Variants in TMEM238L observed in about 807,000 individuals in gnomAD.
TMEM238L encodes the protein transmembrane protein 238 like.
At chr17:10,795,047 G>C (rs2151520408) in exon 2 of TMEM238L, 1 of 152,344 alleles carries the variant, frequency 6.6e-6, no homozygotes, top group Non-Finnish European at 1.5e-5. Context: ...AATGAGACCA[G>C]GGGAAATATA....
intron 1 of TMEM238L, among the ~76,000 whole-genome samples, chr17:10,801,053 GTT>G (rs34698731): frequency 2.5e-4 from 36 of 141,222 alleles, no homozygotes; most frequent in African/African-American, 7.0e-4. Flanking sequence ...CCTTTTTACT[GTT>G]TTTTTTTTTT....
intron 1 of TMEM238L, chr17:10,802,581 G>A (rs1360352481): frequency 2.0e-5 from 3 of 152,674 alleles, no homozygotes; most frequent in African/African-American, 7.2e-5. Context: ...AGAGTCAGGT[G>A]TAATCCCCCA....
At chr17:10,803,995 A>G (rs1396781950) in exon 1 of TMEM238L, 1 of 399,120 alleles carries the variant, frequency 2.5e-6, no homozygotes, top group Non-Finnish European at 4.4e-6. Context: ...GCCCAGCTGC[A>G]CTCCCGGGGG....
At chr17:10,801,195 C>T (rs999918408) in intron 1 of TMEM238L, among the ~76,000 whole-genome samples, 12 of 152,050 alleles carry the variant, frequency 7.9e-5, no homozygotes, top group Admixed American at 3.3e-4. Flanking sequence ...GGATTACAGG[C>T]GCCTGCCACT....
At chr17:10,802,906 G>A (rs1003510120) in intron 1 of TMEM238L, among the ~76,000 whole-genome samples, 6 of 152,208 alleles carry the variant, frequency 3.9e-5, no homozygotes, top group Non-Finnish European at 8.8e-5. Context: ...GCAACTCAGC[G>A]GATGAAATCC....
intron 1 of TMEM238L, among the ~76,000 whole-genome samples, chr17:10,798,321 A>G (rs532428022): frequency 6.6e-6 from 1 of 152,258 alleles, no homozygotes; most frequent in South Asian, 2.1e-4. Context: ...CACATGCTTT[A>G]TCTCTCCCCT....
At position 10,803,885 on chromosome 17, in the gene TMEM238L, C is replaced by T. The variant is rs1008978; in HGVS notation, c.79G>A (p.Ala27Thr). The change falls in exon 1 of 2, where the codon GCG becomes ACG. Residue 27 changes from alanine (A) to threonine (T), a missense_variant. Ala to Thr is a moderately conservative substitution (Grantham distance 58, BLOSUM62 0). Coordinates refer to ENST00000581851, the Ensembl canonical transcript of TMEM238L. Reference sequence around the variant, plus strand: ...AGCAGCAAAAGGACCAGGCCGACCGCGTCCAGCAGGAGGGCGAGGATGAGG... The same window carrying T: ...AGCAGCAAAAGGACCAGGCCGACCGTGTCCAGCAGGAGGGCGAGGATGAGG... 482 of 399,682 alleles carry T rather than the reference C, an allele frequency of 1.2e-3. 2 individuals carry two copies. Among genetic ancestry groups the T allele is most frequent in the African/African-American group, 8.8e-3 (431 of 48,772 alleles). The allele number at this position is 399,682 out of a possible 1,614,324, so 24.8% of individuals were successfully genotyped here. A position where few individuals can be genotyped will look rare whatever the true frequency, so the allele number is the denominator to read the frequency against.
intron 1 of TMEM238L, among the ~76,000 whole-genome samples, chr17:10,802,741 G>A (rs375195129): frequency 1.3e-5 from 2 of 152,204 alleles, no homozygotes; most frequent in African/African-American, 2.4e-5. Context: ...CCAATGGACC[G>A]TGGCTCTGAC....
chr17:10,798,829 C>T (rs1904641185), intron 1 of TMEM238L, among the ~76,000 whole-genome samples: 1 of 151,222 alleles, frequency 6.6e-6, no homozygotes, highest in African/African-American at 2.4e-5. Context: ...TCTTGGACAC[C>T]CTATTAAAAA....
chr17:10,802,696 A>G (rs1184520655), intron 1 of TMEM238L, among the ~76,000 whole-genome samples: 1 of 152,236 alleles, frequency 6.6e-6, no homozygotes, highest in Non-Finnish European at 1.5e-5. Flanking sequence ...ACCTGCGTGC[A>G]GGTTGGGCCC....
intron 1 of TMEM238L, among the ~76,000 whole-genome samples, chr17:10,797,265 G>T (rs1904582854): frequency 6.6e-6 from 1 of 152,048 alleles, no homozygotes; most frequent in Non-Finnish European, 1.5e-5. Context: ...TTTCCTCATG[G>T]CCTTGTTGAT....
At chr17:10,800,046 C>T (rs541204018) in intron 1 of TMEM238L, among the ~76,000 whole-genome samples, 1 of 152,224 alleles carries the variant, frequency 6.6e-6, no homozygotes, top group South Asian at 2.1e-4. Flanking sequence ...ATTCTCCTGC[C>T]TCAGCCTCCC....
At chr17:10,800,960 A>G (rs546581894) in intron 1 of TMEM238L, among the ~76,000 whole-genome samples, 2 of 152,120 alleles carry the variant, frequency 1.3e-5, no homozygotes, top group Non-Finnish European at 2.9e-5. Context: ...ATAATAACCT[A>G]TACTGTGGCC....
exon 1 of TMEM238L, chr17:10,803,842 A>G: frequency 2.5e-6 from 1 of 399,502 alleles, no homozygotes; most frequent in Non-Finnish European, 4.4e-6. Flanking sequence ...CCAGGAACTC[A>G]GGGGGGCCAA....
chr17:10,803,439 T>C (rs1449819658), intron 1 of TMEM238L, among the ~76,000 whole-genome samples, 167 bp downstream of exon 1: 1 of 152,106 alleles, frequency 6.6e-6, no homozygotes, highest in Non-Finnish European at 1.5e-5. Context: ...CTGCCCCACG[T>C]CCTCTTGGCT....
At chr17:10,798,665 G>A (rs1004292296) in intron 1 of TMEM238L, among the ~76,000 whole-genome samples, 1 of 152,090 alleles carries the variant, frequency 6.6e-6, no homozygotes, top group Non-Finnish European at 1.5e-5. Context: ...TGTGGTGGGT[G>A]TGTTTGTTTC....
chr17:10,799,363 A>AT (rs1174096225), intron 1 of TMEM238L, among the ~76,000 whole-genome samples: 1 of 151,968 alleles, frequency 6.6e-6, no homozygotes, highest in Admixed American at 6.6e-5. Context: ...ATGCCTGGCT[A>AT]TTTTTTGTAT....
At chr17:10,803,978 G>C in exon 1 of TMEM238L, 2 of 399,104 alleles carry the variant, frequency 5.0e-6, no homozygotes, top group Middle Eastern at 6.3e-4. Flanking sequence ...CAGGAGGAGC[G>C]GGAGGAGCCC....
intron 1 of TMEM238L, among the ~76,000 whole-genome samples, chr17:10,798,084 T>G (rs1422280383): frequency 6.6e-6 from 1 of 151,970 alleles, no homozygotes; most frequent in East Asian, 1.9e-4. Context: ...TCTGCAGTCC[T>G]TCCTTTTGCC....
Sources: gnomAD v4.1 joint callset for allele counts (sites outside exome capture counted in the v4.1 genomes callset) on GRCh38, gnomAD v4.1.1 for gene constraint, MANE v1.5 for transcripts, NCBI Gene and HGNC (gene_info 2026-07-23, HGNC 2026-07-21) for gene names.